Variants in UGP2 observed in about 807,000 individuals in gnomAD.
The protein encoded by UGP2 is UTP--glucose-1-phosphate uridylyltransferase.
UGP2 carries 40 observed loss-of-function variants against 49.0 expected under a neutral mutation model. The observed-to-expected ratio is 0.82, with a 90% CI of 0.63 to 1.06. UGP2 has a LOEUF of 1.06. UGP2 is among the 50% of genes least tolerant of loss of function. The pLI, the probability that UGP2 is intolerant of heterozygous loss-of-function variation, is 0.00. For synonymous variants in UGP2, 225 were observed against 213.0 expected (o/e 1.06, Z -0.49); for missense variants, 460 against 603.5 (o/e 0.76, Z 2.49).
intron 2 of UGP2, 189 bp from the exon 3 acceptor site, chr2:63,857,640 C>T (rs1017128928): frequency 1.4e-5 from 9 of 633,592 alleles, no homozygotes; most frequent in Non-Finnish European, 2.6e-5. Flanking sequence ...GCTGGGATTA[C>T]AGGCATGCAC....
At chr2:63,851,879 G>A (rs894695463) in intron 1 of UGP2, among the ~76,000 whole-genome samples, 36 of 152,132 alleles carry the variant, frequency 2.4e-4, no homozygotes, top group Non-Finnish European at 4.1e-4. Flanking sequence ...TCATTCTTGG[G>A]TCAGCTTCTT....
rs1340378843 is a variant in UGP2, at chr2:63,885,584, T to C, written c.576-5T>C. 29 of 1,513,564 alleles carry C rather than the reference T, an allele frequency of 1.9e-5. No homozygotes were observed. The highest frequency in any genetic ancestry group is 2.4e-5 in the Non-Finnish European group (27 of 1,135,708). The allele number at this position is 1,513,564 out of a possible 1,614,324, so 93.8% of individuals were successfully genotyped here. The stretch of plus-strand genomic sequence containing the variant: ...TATTGAAAAAGAACTTTTTTTTTTT[T>C]AAAGGTACCCGAGGATTAATAAAGA... On this transcript the variant is annotated splice_polypyrimidine_tract_variant and splice_region_variant and intron_variant, in intron 5 of 9. Coordinates refer to ENST00000337130, the MANE Select transcript of UGP2 (RefSeq NM_006759.4).
intron 4 of UGP2, 134 bp from the exon 5 acceptor site, chr2:63,883,826 G>A: frequency 1.7e-6 from 2 of 1,150,082 alleles, no homozygotes; most frequent in Non-Finnish European, 2.4e-6. Flanking sequence ...GCAGTTTTTT[G>A]TCAAATCTGT....
chr2:63,856,171 T>TA, intron 1 of UGP2, 135 bp from the exon 2 acceptor site: 1 of 1,083,908 alleles, frequency 9.2e-7, no homozygotes, highest in Non-Finnish European at 1.3e-6. Flanking sequence ...ACCACTGAAT[T>TA]ACTGCCACAG....
intron 1 of UGP2, chr2:63,855,518 CTGT>C (rs1165417972): frequency 3.4e-5 from 6 of 175,180 alleles, no homozygotes; most frequent in East Asian, 2.1e-4. Flanking sequence ...GTTTCTTTTT[CTGT>C]TTTTTTTTTT....
intron 3 of UGP2, among the ~76,000 whole-genome samples, chr2:63,872,620 C>A (rs1670631827): frequency 6.6e-6 from 1 of 152,090 alleles, no homozygotes; most frequent in South Asian, 2.1e-4. Flanking sequence ...TTTACTGTCT[C>A]ATTTGATTTA....
At chr2:63,842,989 A>G (rs1282628695) in intron 1 of UGP2, among the ~76,000 whole-genome samples, 2 of 152,360 alleles carry the variant, frequency 1.3e-5, no homozygotes, top group Non-Finnish European at 2.9e-5. Context: ...GCCTTCTGGT[A>G]TGCAAGTAAA....
intron 3 of UGP2, among the ~76,000 whole-genome samples, chr2:63,880,410 T>C (rs1227316474): frequency 6.6e-6 from 1 of 152,088 alleles, no homozygotes; most frequent in African/African-American, 2.4e-5. Context: ...CTAGGCTGCC[T>C]TGGCTTCCCA....
intron 3 of UGP2, among the ~76,000 whole-genome samples, chr2:63,868,151 T>G (rs1313187863): frequency 6.6e-6 from 1 of 152,214 alleles, no homozygotes; most frequent in Non-Finnish European, 1.5e-5. Context: ...TAGAGGACTA[T>G]TGTAGCTATT....
intron 1 of UGP2, among the ~76,000 whole-genome samples, chr2:63,847,114 AG>A (rs1410286259): frequency 3.9e-5 from 6 of 152,186 alleles, no homozygotes; most frequent in Admixed American, 6.5e-5. Context: ...AAGTCTACTG[AG>A]GAAAAAAAAT....
At chr2:63,890,206 T>A (rs1238690379) in intron 9 of UGP2, 21 bp downstream of exon 9, 1 of 1,539,352 alleles carries the variant, frequency 6.5e-7, no homozygotes, top group Admixed American at 1.9e-5. Context: ...ACAATGAAAA[T>A]TATATTTCTT....
At chr2:63,876,796 A>T (rs1169511427) in intron 3 of UGP2, among the ~76,000 whole-genome samples, 9 of 152,204 alleles carry the variant, frequency 5.9e-5, no homozygotes, top group Non-Finnish European at 8.8e-5. Flanking sequence ...AGAAGTCTTT[A>T]TTGACTTGGT....
intron 3 of UGP2, among the ~76,000 whole-genome samples, chr2:63,876,748 A>T (rs991196782): frequency 6.6e-6 from 1 of 152,240 alleles, no homozygotes; most frequent in Non-Finnish European, 1.5e-5. Flanking sequence ...TGAATGGTAC[A>T]TAAGTCTCTG....
At chr2:63,847,116 G>GA (rs58273067) in intron 1 of UGP2, among the ~76,000 whole-genome samples, 1 of 151,646 alleles carries the variant, frequency 6.6e-6, no homozygotes, top group Non-Finnish European at 1.5e-5. Flanking sequence ...GTCTACTGAG[G>GA]AAAAAAAATT....
intron 3 of UGP2, among the ~76,000 whole-genome samples, chr2:63,872,400 A>G (rs1028364979): frequency 4.6e-5 from 7 of 152,328 alleles, no homozygotes; most frequent in Admixed American, 4.6e-4. Flanking sequence ...TGAAGTAGTA[A>G]TAATATCAGC....
At chr2:63,855,411 C>A in intron 1 of UGP2, 1 of 482,896 alleles carries the variant, frequency 2.1e-6, no homozygotes. Flanking sequence ...TCCAGTTGTC[C>A]CTATTTTATG....
chr2:63,881,934 C>T (rs1671345040), intron 3 of UGP2, among the ~76,000 whole-genome samples: 1 of 152,174 alleles, frequency 6.6e-6, no homozygotes, highest in Non-Finnish European at 1.5e-5. Context: ...GTCTATGCTA[C>T]GTTCCTCTGA....
intron 3 of UGP2, chr2:63,862,928 G>A: frequency 1.3e-5 from 6 of 450,136 alleles, no homozygotes; most frequent in Non-Finnish European, 2.7e-5. Context: ...GACGTAAGCA[G>A]GTTGGTATTT....
At chr2:63,869,992 G>A (rs1311341703) in intron 3 of UGP2, among the ~76,000 whole-genome samples, 1 of 147,900 alleles carries the variant, frequency 6.8e-6, no homozygotes, top group African/African-American at 2.5e-5. Context: ...GCGCAATCTC[G>A]GCTCACTGCA....
Sources: gnomAD v4.1 joint callset for allele counts (sites outside exome capture counted in the v4.1 genomes callset) on GRCh38, gnomAD v4.1.1 for gene constraint, MANE v1.5 for transcripts, NCBI Gene and HGNC (gene_info 2026-07-23, HGNC 2026-07-21) for gene names.